Variants in TP63 observed in about 807,000 individuals in gnomAD.
TP63 encodes the protein tumor protein p63.
In TP63, 17 loss-of-function variants were observed where a neutral mutation model predicts 82.8. That is an observed-to-expected ratio of 0.21 (90% CI 0.14 to 0.31). TP63 has a LOEUF of 0.31. Among genes scored for constraint, TP63 ranks in the 10% least tolerant of loss-of-function variants. The probability of loss-of-function intolerance (pLI) is 1.00; values close to 1 mark genes in which losing one functional copy is unlikely to be tolerated. For synonymous variants in TP63, 330 were observed against 321.7 expected (o/e 1.03, Z -0.28); for missense variants, 648 against 895.3 (o/e 0.72, Z 3.52).
At chr3:189,875,593 CATATAT>C (rs774764336) in intron 10 of TP63, among the ~76,000 whole-genome samples, 60 of 40,760 alleles carry the variant, frequency 1.5e-3, no homozygotes, top group Admixed American at 1.0e-2. Flanking sequence ...AAAATACATA[CATATAT>C]ATATATATAT....
intron 1 of TP63, among the ~76,000 whole-genome samples, chr3:189,728,076 G>T (rs1025377139): frequency 6.6e-6 from 1 of 151,878 alleles, no homozygotes; most frequent in African/African-American, 2.4e-5. Flanking sequence ...TATGTCTGAA[G>T]AGCTTTGCCT....
At position 189,695,283 on chromosome 3, in the gene TP63, T is replaced by C. The variant is rs548798322; in HGVS notation, c.63-42457T>C. On this transcript the variant is annotated intron_variant, in intron 1 of 13. Coordinates refer to ENST00000264731, the MANE Select transcript of TP63 (RefSeq NM_003722.5). Reference sequence around the variant, plus strand: ...CGCTCCATTGCTCCAGTTTTGGCCATTGAAAGCTCTTTCAGTTAGTTCCTG... The same window carrying C: ...CGCTCCATTGCTCCAGTTTTGGCCACTGAAAGCTCTTTCAGTTAGTTCCTG... Among the ~76,000 whole-genome samples the C allele has an allele frequency of 1.3e-4, 19 of 151,636 alleles. No individual in the cohort carries two copies. In the East Asian group the frequency reaches 3.5e-3, roughly 28 times the overall value.
intron 3 of TP63, among the ~76,000 whole-genome samples, chr3:189,770,043 C>T (rs1723219774): frequency 6.6e-6 from 1 of 152,192 alleles, no homozygotes; most frequent in Non-Finnish European, 1.5e-5. Context: ...ATTATAAAGC[C>T]TGGCACCTGT....
chr3:189,754,619 T>G (rs1192168334), intron 3 of TP63, among the ~76,000 whole-genome samples: 2 of 152,174 alleles, frequency 1.3e-5, no homozygotes, highest in Non-Finnish European at 2.9e-5. Context: ...TGAAAGGATC[T>G]GATTTCTGAT....
chr3:189,786,012 T>A (rs992976600), intron 3 of TP63, among the ~76,000 whole-genome samples: 3 of 151,714 alleles, frequency 2.0e-5, no homozygotes, highest in African/African-American at 7.3e-5. Flanking sequence ...AGGGAAAAAA[T>A]TAAAAATAAA....
intron 3 of TP63, among the ~76,000 whole-genome samples, chr3:189,778,413 T>C (rs780419913): frequency 1.3e-5 from 2 of 152,218 alleles, no homozygotes; most frequent in Non-Finnish European, 2.9e-5. Flanking sequence ...TTTTTTATTG[T>C]CTTGATTCCC....
At chr3:189,683,488 T>C (rs904686581) in intron 1 of TP63, among the ~76,000 whole-genome samples, 1 of 152,182 alleles carries the variant, frequency 6.6e-6, no homozygotes, top group African/African-American at 2.4e-5. Context: ...TAGAAACAAA[T>C]CTTTCTTTGA....
the TP63 span, among the ~76,000 whole-genome samples, chr3:189,610,341 A>G: frequency 6.6e-6 from 1 of 152,236 alleles, no homozygotes; most frequent in Admixed American, 6.5e-5. Flanking sequence ...GAATGCCTTT[A>G]AGAGAACACA....
chr3:189,847,072 AT>A (rs1437173308), intron 4 of TP63, among the ~76,000 whole-genome samples: 1 of 152,112 alleles, frequency 6.6e-6, no homozygotes, highest in African/African-American at 2.4e-5. Context: ...AAATAATCAA[AT>A]GAGGCCGGAC....
chr3:189,615,122 A>G, the TP63 span, among the ~76,000 whole-genome samples: 1 of 152,224 alleles, frequency 6.6e-6, no homozygotes, highest in Non-Finnish European at 1.5e-5. Context: ...AAAGTTTTCC[A>G]TTACTCTTAG....
intron 9 of TP63, 46 bp from the exon 10 acceptor site, chr3:189,872,813 C>T (rs748176900): frequency 4.3e-5 from 69 of 1,613,522 alleles, no homozygotes; most frequent in Non-Finnish European, 5.8e-5. Flanking sequence ...TCTAACAGTT[C>T]TACAGCTTTT....
chr3:189,860,334 C>T (rs1716867149), intron 4 of TP63, among the ~76,000 whole-genome samples: 1 of 152,086 alleles, frequency 6.6e-6, no homozygotes, highest in Non-Finnish European at 1.5e-5. Flanking sequence ...AAATCAGATT[C>T]CCATGTTCCA....
chr3:189,730,084 C>G (rs1720052471), intron 1 of TP63, among the ~76,000 whole-genome samples: 1 of 152,056 alleles, frequency 6.6e-6, no homozygotes. Flanking sequence ...ATAATGAAGG[C>G]TTAAGCAATA....
the TP63 span, among the ~76,000 whole-genome samples, chr3:189,602,412 G>A: frequency 6.6e-6 from 1 of 152,116 alleles, no homozygotes. Flanking sequence ...CATTTTCTTG[G>A]TCTTCTCATA....
the TP63 span, among the ~76,000 whole-genome samples, chr3:189,601,310 C>G: frequency 0.44 from 66,502 of 151,978 alleles, 15,256 homozygotes; most frequent in East Asian, 0.67. Context: ...CTCATTTACT[C>G]TCCTTCAGAA....
At chr3:189,711,717 C>T (rs1718609684) in intron 1 of TP63, among the ~76,000 whole-genome samples, 1 of 152,182 alleles carries the variant, frequency 6.6e-6, no homozygotes, top group Non-Finnish European at 1.5e-5. Context: ...TAATGACTGA[C>T]AGCCTACAGT....
At chr3:189,633,247 G>A (rs1729572103) in intron 1 of TP63, among the ~76,000 whole-genome samples, 1 of 151,868 alleles carries the variant, frequency 6.6e-6, no homozygotes, top group African/African-American at 2.4e-5. Context: ...TTTATTTTAA[G>A]TTCAGGGGTA....
chr3:189,609,324 T>G, the TP63 span, among the ~76,000 whole-genome samples: 9 of 152,278 alleles, frequency 5.9e-5, no homozygotes, highest in East Asian at 9.7e-4. Context: ...CAATTAATAG[T>G]GCATAAATAA....
At position 189,748,948 on chromosome 3, in the gene TP63, A is replaced by C. The variant is rs370382918; in HGVS notation, c.324+10174A>C. 1.2e-4 allele frequency among the ~76,000 whole-genome samples: 18 copies of C among 152,302 alleles called. 1 individual carries two copies. In the South Asian group the frequency reaches 2.9e-3, roughly 25 times the overall value. ...ACATTGGGGAAAGGACACACTCTTC[A>C]ATAAGTGGTACTGGGAAAATTGGAT... On this transcript the variant is annotated intron_variant, in intron 3 of 13. Transcript: ENST00000264731.
Sources: gnomAD v4.1 joint callset for allele counts (sites outside exome capture counted in the v4.1 genomes callset) on GRCh38, gnomAD v4.1.1 for gene constraint, MANE v1.5 for transcripts, NCBI Gene and HGNC (gene_info 2026-07-23, HGNC 2026-07-21) for gene names.